The following SASH1 variants were observed in gnomAD, a reference collection of about 807,000 sequenced individuals.
SASH1 encodes SAM and SH3 domain containing 1.
In SASH1, 44 loss-of-function variants were observed where a neutral mutation model predicts 125.2. That is an observed-to-expected ratio of 0.35 (90% CI 0.28 to 0.45). The LOEUF is 0.45. Among genes scored for constraint, SASH1 ranks in the 20% least tolerant of loss-of-function variants. The pLI is 1.00. For missense variants in SASH1, 1,426 were observed against 1,614.5 expected (o/e 0.88, Z 2.00); for synonymous variants, 639 against 649.1 (o/e 0.98, Z 0.24).
chr6:148,296,985 G>T (rs1277974651), intron 1 of SASH1, among the ~76,000 whole-genome samples: 1 of 152,216 alleles, frequency 6.6e-6, no homozygotes, highest in East Asian at 1.9e-4. Context: ...TCAGCATGAG[G>T]TTAACCTAAG....
intron 7 of SASH1, among the ~76,000 whole-genome samples, chr6:148,483,535 A>G (rs944074847): frequency 2.6e-5 from 4 of 152,218 alleles, no homozygotes; most frequent in Non-Finnish European, 5.9e-5. Flanking sequence ...ATGAAGTTGG[A>G]CAGAGATGTG....
upstream of SASH1, among the ~76,000 whole-genome samples, chr6:148,341,690 C>A (rs972912396): frequency 1.3e-5 from 2 of 151,554 alleles, no homozygotes. Flanking sequence ...AACAAACAAA[C>A]AAACAAAAAA....
intron 2 of SASH1, among the ~76,000 whole-genome samples, chr6:148,429,200 C>T (rs1348929235): frequency 1.3e-5 from 2 of 151,772 alleles, no homozygotes; most frequent in East Asian, 3.9e-4. Flanking sequence ...AAATACACAT[C>T]CCATGCAGTA....
intron 2 of SASH1, among the ~76,000 whole-genome samples, chr6:148,435,681 G>T (rs1220854760): frequency 6.6e-6 from 1 of 152,074 alleles, no homozygotes; most frequent in East Asian, 1.9e-4. Context: ...ATGATTTGAT[G>T]TCTGGGATTT....
intron 4 of SASH1, among the ~76,000 whole-genome samples, chr6:148,452,396 CCTT>C (rs929072270): frequency 6.6e-6 from 1 of 152,122 alleles, no homozygotes; most frequent in African/African-American, 2.4e-5. Flanking sequence ...TCTCCAGGGT[CCTT>C]CTAGCTCAGG....
chr6:148,307,565 C>G (rs1780179594), intron 1 of SASH1, among the ~76,000 whole-genome samples: 1 of 152,110 alleles, frequency 6.6e-6, no homozygotes, highest in African/African-American at 2.4e-5. Context: ...CCCAAGGCTC[C>G]AAGCATCTGA....
At chr6:148,213,374 T>A in the SASH1 span, among the ~76,000 whole-genome samples, 1 of 152,162 alleles carries the variant, frequency 6.6e-6, no homozygotes, top group African/African-American at 2.4e-5. Context: ...ATGGAATAAG[T>A]AAATTTTCTG....
intron 1 of SASH1, among the ~76,000 whole-genome samples, chr6:148,320,363 G>A (rs538598899): frequency 6.6e-6 from 1 of 152,346 alleles, no homozygotes; most frequent in Non-Finnish European, 1.5e-5. Flanking sequence ...CCCCTTGATA[G>A]CGGCACCGCT....
intron 1 of SASH1, among the ~76,000 whole-genome samples, chr6:148,308,451 A>G (rs1486551717): frequency 1.3e-5 from 2 of 150,312 alleles, no homozygotes; most frequent in Non-Finnish European, 3.0e-5. Flanking sequence ...GCTGGAGTGC[A>G]ATGGCGCTGC....
intron 9 of SASH1, 30 bp downstream of exon 9, chr6:148,514,486 A>AAAT: frequency 8.2e-7 from 1 of 1,217,662 alleles, no homozygotes; most frequent in Non-Finnish European, 1.1e-6. Flanking sequence ...AAAAAAAAAA[A>AAAT]GGCAGACTCC....
intron 8 of SASH1, among the ~76,000 whole-genome samples, chr6:148,492,618 G>T (rs931136857): frequency 6.6e-6 from 1 of 152,066 alleles, no homozygotes. Context: ...AGGAGTTCAA[G>T]ACCATCCAGG....
chr6:148,516,540 T>C (rs992468362), intron 9 of SASH1, among the ~76,000 whole-genome samples: 43 of 125,430 alleles, frequency 3.4e-4, no homozygotes, highest in African/African-American at 1.3e-3. Flanking sequence ...AAAGGGTTGA[T>C]CCTTTGACTT....
At chr6:148,391,422 TAAAAAA>T (rs398038813) in intron 2 of SASH1, among the ~76,000 whole-genome samples, 1 of 114,440 alleles carries the variant, frequency 8.7e-6, no homozygotes, top group South Asian at 2.8e-4. Flanking sequence ...GACACTTTTA[TAAAAAA>T]AAAAAAAAAA....
intron 2 of SASH1, among the ~76,000 whole-genome samples, chr6:148,434,847 A>G (rs79674797): frequency 0.023 from 3,464 of 152,254 alleles, 142 homozygotes; most frequent in African/African-American, 0.078. Context: ...GTAATTTCTC[A>G]TTAAATTCTG....
the SASH1 span, among the ~76,000 whole-genome samples, chr6:148,236,906 T>C: frequency 5.9e-5 from 9 of 152,196 alleles, no homozygotes; most frequent in Non-Finnish European, 1.2e-4. Flanking sequence ...TGGATTAATG[T>C]GGATTATAAA....
chr6:148,235,788 C>T, the SASH1 span, among the ~76,000 whole-genome samples: 10 of 152,158 alleles, frequency 6.6e-5, no homozygotes, highest in Admixed American at 6.5e-4. Flanking sequence ...CCTACTCTTC[C>T]ACAATGGCCT....
At chr6:148,242,586 G>A in the SASH1 span, among the ~76,000 whole-genome samples, 4 of 152,232 alleles carry the variant, frequency 2.6e-5, no homozygotes, top group East Asian at 7.7e-4. Context: ...GTTTATCACA[G>A]CTTTCAAAGA....
the SASH1 span, among the ~76,000 whole-genome samples, chr6:148,225,898 G>A: frequency 6.6e-6 from 1 of 152,216 alleles, no homozygotes. Context: ...ATATTTGCAA[G>A]ATAATTGGCA....
At chr6:148,442,223 C>A (rs1776574339) in intron 4 of SASH1, among the ~76,000 whole-genome samples, 1 of 151,870 alleles carries the variant, frequency 6.6e-6, no homozygotes, top group Admixed American at 6.6e-5. Context: ...CCTGTCTGAT[C>A]CAGCACCAGC....
Sources: allele counts gnomAD v4.1 joint callset (sites outside exome capture counted in the v4.1 genomes callset), GRCh38; gene constraint gnomAD v4.1.1; transcripts MANE v1.5; gene names NCBI Gene and HGNC (gene_info 2026-07-23, HGNC 2026-07-21).